Variants in BAZ2B observed in about 807,000 individuals in gnomAD.
BAZ2B encodes bromodomain adjacent to zinc finger domain 2B.
In BAZ2B, 91 loss-of-function variants were observed where a neutral mutation model predicts 246.0. The ratio of observed to expected loss-of-function variants is 0.37; its 90% CI spans 0.31 to 0.44. The LOEUF (loss-of-function observed/expected upper bound fraction) is 0.44, where lower values mean the gene tolerates loss of function less well. Among genes scored for constraint, BAZ2B ranks in the 20% least tolerant of loss-of-function variants. The pLI is 1.00. For missense variants in BAZ2B, 2,332 were observed against 2,533.7 expected (o/e 0.92, Z 1.71); for synonymous variants, 855 against 860.0 (o/e 0.99, Z 0.10).
intron 2 of BAZ2B, among the ~76,000 whole-genome samples, chr2:159,531,700 A>C (rs2085397688): frequency 6.6e-6 from 1 of 152,148 alleles, no homozygotes; most frequent in South Asian, 2.1e-4. Context: ...TACAGCCTCC[A>C]AGTCAGAATA....
the BAZ2B span, among the ~76,000 whole-genome samples, chr2:159,667,912 T>C: frequency 6.6e-6 from 1 of 152,118 alleles, no homozygotes; most frequent in African/African-American, 2.4e-5. Context: ...GCTTTTCAGG[T>C]TCTCTCAAAA....
chr2:159,430,566 G>C (rs1256837966), intron 10 of BAZ2B, among the ~76,000 whole-genome samples: 1 of 152,060 alleles, frequency 6.6e-6, no homozygotes, highest in African/African-American at 2.4e-5. Context: ...GTACAAAAAA[G>C]TCCAACTGTC....
In BAZ2B at chr2:159,348,818, CA is replaced by C; in HGVS notation, c.5152del (p.Trp1718GlyfsTer10). The C allele has an allele frequency of 6.3e-7, 1 of 1,597,588 alleles. No homozygotes were observed. Among genetic ancestry groups the C allele is most frequent in the Non-Finnish European group, 8.5e-7 (1 of 1,176,076 alleles). ...KPIPEEMQFGWWRIIDPEDLK... is the reference protein window; with the variant it reads ...KPIPEEMQFGXWRIIDPEDLK... ...GTCCTCTGGGTCAATAATTCTCCAC[CA>C]ACCAAACTGCATTTCTAAGTCAAGA... On this transcript the variant is annotated frameshift_variant, in exon 30 of 37. Coordinates refer to ENST00000392783, the MANE Select transcript of BAZ2B (RefSeq NM_013450.4). LOFTEE classifies it high-confidence loss of function.
chr2:159,510,008 G>T (rs2082751971), intron 2 of BAZ2B, among the ~76,000 whole-genome samples: 1 of 151,874 alleles, frequency 6.6e-6, no homozygotes, highest in African/African-American at 2.4e-5. Context: ...CTATAACATA[G>T]ATGAACCCTG....
At position 159,404,887 on chromosome 2, in the gene BAZ2B, G is replaced by A. The variant is rs779871538; in HGVS notation, c.2794C>T (p.Arg932Trp). The change falls in exon 16 of 37, where the codon CGG (arginine) becomes TGG (tryptophan). Residue 932 changes from arginine to tryptophan, a missense_variant. Arg to Trp is a moderately radical substitution (Grantham distance 101). Coordinates refer to ENST00000392783, the MANE Select transcript of BAZ2B (RefSeq NM_013450.4). ...QQAIMAAEEK[R>W]KQKEQIKIMK... ...ATCTTTATCTGTTCTTTTTGCTTCC[G>A]CTTCTCCTCAGCAGCCATTATTGCT... The A allele has an allele frequency of 1.7e-5, 27 of 1,612,932 alleles. No individual in the cohort carries two copies. Among genetic ancestry groups the A allele is most frequent in the African/African-American group, 2.7e-5 (2 of 74,810 alleles).
At chr2:159,392,137 A>G (rs12994216) in intron 20 of BAZ2B, 116,798 of 152,086 alleles carry the variant, frequency 0.77, 46,430 homozygotes, top group Non-Finnish European at 0.89. Context: ...AGAAGACAGC[A>G]TAGCCCCTTT....
At position 159,590,269 on chromosome 2, in the gene BAZ2B, C is replaced by CAA. The variant is rs34798154; in HGVS notation, c.-46+25971_-46+25972dup. Among the ~76,000 whole-genome samples the CAA allele has an allele frequency of 4.9e-3, 338 of 69,306 alleles. 1 individual carries two copies. The highest frequency in any genetic ancestry group is 7.1e-3 in the Admixed American group (37 of 5,236). 45.5% of individuals were successfully genotyped at this position (69,306 alleles called of 152,430 possible). ...AACTGGCTATTGTTAATCTTCCACTCAAAAAAAAAAAAAAAAAAGTAAAAA... is the reference window on the plus strand; with the variant it reads ...AACTGGCTATTGTTAATCTTCCACTCAAAAAAAAAAAAAAAAAAAAGTAAAAA... On this transcript the variant is annotated intron_variant, in intron 1 of 36. Transcript: ENST00000392783.
chr2:159,699,040 G>T, the BAZ2B span, among the ~76,000 whole-genome samples: 1 of 152,186 alleles, frequency 6.6e-6, no homozygotes. Flanking sequence ...TAGCTTGCAA[G>T]GATTGTCTTC....
chr2:159,459,183 T>C (rs2076132850), intron 3 of BAZ2B: 1 of 152,256 alleles, frequency 6.6e-6, no homozygotes. Flanking sequence ...ATTTGTCCTT[T>C]ATCAGACCAT....
intron 1 of BAZ2B, among the ~76,000 whole-genome samples, chr2:159,582,695 T>C (rs1317869233): frequency 2.0e-5 from 3 of 152,174 alleles, no homozygotes; most frequent in African/African-American, 7.2e-5. Context: ...GTTCATATTA[T>C]TTAAAATAAA....
At chr2:159,392,639 C>G (rs2063491473) in intron 20 of BAZ2B, among the ~76,000 whole-genome samples, 1 of 152,070 alleles carries the variant, frequency 6.6e-6, no homozygotes, top group Non-Finnish European at 1.5e-5. Flanking sequence ...CTTTCCTCTC[C>G]CACTGGTCTC....
the BAZ2B span, among the ~76,000 whole-genome samples, chr2:159,635,817 C>A: frequency 3.3e-5 from 5 of 152,104 alleles, no homozygotes; most frequent in South Asian, 1.0e-3. Flanking sequence ...TCCATAATGG[C>A]AAAGCTGATA....
At chr2:159,612,754 T>C (rs1480721732) in intron 1 of BAZ2B, among the ~76,000 whole-genome samples, 1 of 152,114 alleles carries the variant, frequency 6.6e-6, no homozygotes, top group African/African-American at 2.4e-5. Flanking sequence ...AGCAGCTCCA[T>C]GAAATCAACC....
At chr2:159,491,557 A>G (rs2080468936) in intron 2 of BAZ2B, among the ~76,000 whole-genome samples, 1 of 149,580 alleles carries the variant, frequency 6.7e-6, no homozygotes, top group South Asian at 2.2e-4. Context: ...CGTCTCTACT[A>G]AAAATACAAA....
the BAZ2B span, among the ~76,000 whole-genome samples, chr2:159,645,201 GGTA>G: frequency 2.0e-5 from 3 of 152,136 alleles, no homozygotes; most frequent in African/African-American, 7.2e-5. Context: ...GGGCCTGGGA[GGTA>G]AAGGTTGCAG....
Position 159,349,065 on chromosome 2 carries a change from A to G in BAZ2B, c.5079T>C (p.Pro1693=), listed in dbSNP as rs1272978202. 3 of 1,614,134 alleles carry G rather than the reference A, an allele frequency of 1.9e-6. No homozygotes were observed. The highest frequency in any genetic ancestry group is 2.2e-5 in the East Asian group (1 of 44,874). ...PQNEKATSAQ[P]AAVEVAKPVD... Reference sequence around the variant, plus strand: ...CTGGTTTTGCTACTTCAACAGCTGCAGGTTGAGCTGAAGTGGCCTTTTCAT... The same window carrying G: ...CTGGTTTTGCTACTTCAACAGCTGCGGGTTGAGCTGAAGTGGCCTTTTCAT... The change falls in exon 29 of 37, where the codon CCT becomes CCC. Residue 1693 remains proline (P), a synonymous_variant. Transcript: ENST00000392783.
intron 2 of BAZ2B, among the ~76,000 whole-genome samples, chr2:159,479,262 C>A (rs964349063): frequency 1.3e-5 from 2 of 152,078 alleles, no homozygotes; most frequent in African/African-American, 4.8e-5. Context: ...CAAGTTTAAA[C>A]TATGATTTCA....
chr2:159,514,663 T>C (rs1292299778), intron 2 of BAZ2B, among the ~76,000 whole-genome samples: 1 of 152,210 alleles, frequency 6.6e-6, no homozygotes, highest in Non-Finnish European at 1.5e-5. Flanking sequence ...TGGTATTTAC[T>C]GGCTAAGGAC....
chr2:159,435,894 TTAAGA>T (rs2072195663), intron 8 of BAZ2B, among the ~76,000 whole-genome samples: 1 of 152,230 alleles, frequency 6.6e-6, no homozygotes, highest in Non-Finnish European at 1.5e-5. Flanking sequence ...TAGAAAATTG[TTAAGA>T]TAATTCTTTG....
Sources: gnomAD v4.1 joint callset for allele counts (sites outside exome capture counted in the v4.1 genomes callset) on GRCh38, gnomAD v4.1.1 for gene constraint, MANE v1.5 for transcripts, NCBI Gene and HGNC (gene_info 2026-07-23, HGNC 2026-07-21) for gene names.